Variants in TGM7 observed in about 807,000 individuals in gnomAD.
The protein encoded by TGM7 is transglutaminase 7, also known as protein-glutamine gamma-glutamyltransferase Z.
TGM7 carries 74 observed loss-of-function variants against 79.5 expected under a neutral mutation model. The observed-to-expected ratio is 0.93, with a 90% CI of 0.77 to 1.13. TGM7 has a LOEUF of 1.13. Among genes scored for constraint, TGM7 ranks in the 50% most tolerant of loss-of-function variants. The probability of loss-of-function intolerance (pLI) is 0.00; values close to 1 mark genes in which losing one functional copy is unlikely to be tolerated. For synonymous variants in TGM7, 354 were observed against 362.5 expected, an observed-to-expected ratio of 0.98 and a Z score of 0.27; for missense variants, 912 against 905.9, an observed-to-expected ratio of 1.01 and a Z score of -0.09.
In TGM7 at chr15:43,279,708, C is replaced by T; in HGVS notation, c.1595G>A (p.Cys532Tyr). The T allele has an allele frequency of 6.2e-7, 1 of 1,614,016 alleles. No individual in the cohort carries two copies. Among genetic ancestry groups the T allele is most frequent in the East Asian group, 2.2e-5 (1 of 44,882 alleles). ...ACCCCCATGCAGCAGGGCCTGTGCA[C>T]AGAAGCGCACCACCAGTCCGATGGG... ...RGPIGLVVRF[C>Y]AQALLHGGGT... The change falls in exon 10 of 13, where the codon TGT becomes TAT. Residue 532 changes from cysteine (C) to tyrosine (Y), a missense_variant. Physicochemically the swap from Cys to Tyr is radical, Grantham distance 194. Coordinates refer to ENST00000452443, the MANE Select transcript of TGM7 (RefSeq NM_052955.3).
chr15:43,290,466 A>C (rs1180788306), intron 4 of TGM7, among the ~76,000 whole-genome samples: 1 of 152,170 alleles, frequency 6.6e-6, no homozygotes, highest in Non-Finnish European at 1.5e-5. Flanking sequence ...TGGTTACTGT[A>C]GCCTTGTAGT....
In TGM7 at chr15:43,292,009, G is replaced by T. The variant is rs772488906; in HGVS notation, c.528C>A (p.Phe176Leu). The T allele has an allele frequency of 6.2e-7, 1 of 1,613,984 alleles. No homozygotes were observed. The highest frequency in any genetic ancestry group is 8.5e-7 in the Non-Finnish European group (1 of 1,179,938). ...CGTAGTTCCAGGGCCAGGAGGTGAT[G>T]AATCTTTCATGACCCTTGTAAACAA... ...YGFVYKGHER[F>L]ITSWPWNYGQ... Residue 176 changes from phenylalanine (F) to leucine (L), a missense_variant, in exon 4 of 13, where the codon TTC (phenylalanine) becomes TTA (leucine). Physicochemically the swap from Phe to Leu is conservative, Grantham distance 22. Coordinates refer to ENST00000452443, the MANE Select transcript of TGM7 (RefSeq NM_052955.3).
At position 43,287,594 on chromosome 15, in the gene TGM7, C is replaced by A. The variant is rs1473125381; in HGVS notation, c.634G>T (p.Asp212Tyr). 1 of 1,614,064 alleles carries A rather than the reference C, an allele frequency of 6.2e-7. No homozygotes were observed. The highest frequency in any genetic ancestry group is 1.1e-5 in the South Asian group (1 of 91,088). Residue 212 changes from aspartate to tyrosine, a missense_variant, in exon 5 of 13, where the codon GAC (aspartate) becomes TAC (tyrosine). Asp to Tyr is a radical substitution (Grantham distance 160). Transcript: ENST00000452443. ...SLYHLKNPAK[D>Y]CSQRNDVVYV... ...ACCACGTCGTTCCGCTGGGAACAGT[C>A]TTTGGCCGGGTTCTTTAAGTGATAC...
At chr15:43,284,731 C>T in intron 7 of TGM7, 83 bp downstream of exon 7, 3 of 1,516,340 alleles carry the variant, frequency 2.0e-6, no homozygotes, top group Admixed American at 3.4e-5. Context: ...TGCAATATTT[C>T]CTCAAGAGCC....
At chr15:43,298,779 A>G (rs2043012658) in intron 1 of TGM7, among the ~76,000 whole-genome samples, 1 of 152,156 alleles carries the variant, frequency 6.6e-6, no homozygotes, top group Non-Finnish European at 1.5e-5. Context: ...TAAAATAAAA[A>G]TAAAAGAAAG....
At chr15:43,284,512 G>A (rs1416263663) in intron 7 of TGM7, among the ~76,000 whole-genome samples, 2 of 152,182 alleles carry the variant, frequency 1.3e-5, no homozygotes, top group African/African-American at 4.8e-5. Context: ...CAGAAACTCA[G>A]AGAAGAAAGA....
chr15:43,279,342 T>C, intron 10 of TGM7, 65 bp from the exon 11 acceptor site: 2 of 1,532,720 alleles, frequency 1.3e-6, no homozygotes, highest in Non-Finnish European at 1.8e-6. Context: ...GACATGTAGA[T>C]GTGAGAGAGG....
At chr15:43,296,338 T>C (rs952541780) in intron 1 of TGM7, among the ~76,000 whole-genome samples, 11 of 144,422 alleles carry the variant, frequency 7.6e-5, no homozygotes, top group African/African-American at 2.9e-4. Context: ...GGCAGGAGAA[T>C]GGCGTGAACC....
chr15:43,282,050 A>G lies in TGM7; in HGVS notation c.1145T>C (p.Ile382Thr). 1 of 1,614,138 alleles carries G rather than the reference A, an allele frequency of 6.2e-7. No individual in the cohort carries two copies. ...GGCCAGGTGGACATCCCCTTCCCTG[A>G]TGGCCTTCACAGAGGCAGGGCCACA... ...FCCGPASVKA[I>T]REGDVHLAYD... The change falls in exon 9 of 13, where the codon ATC becomes ACC. Residue 382 changes from isoleucine to threonine, a missense_variant. Ile to Thr is a moderately conservative substitution (Grantham distance 89). Transcript: ENST00000452443.
chr15:43,279,812 G>C lies in TGM7; in HGVS notation c.1491C>G (p.Ala497=). ...GGTCCTGGCCCCACTCGGGTATCCTGGCCAGGTGAAGCTGCAGCTGCGCTG... is the reference window on the plus strand; with the variant it reads ...GGTCCTGGCCCCACTCGGGTATCCTCGCCAGGTGAAGCTGCAGCTGCGCTG... ...DQPAQLQLHL[A]RIPEWGQDLQ... is the part of the protein sequence containing the mutation. The change falls in exon 10 of 13, where the codon GCC becomes GCG. Residue 497 remains alanine (A), a synonymous_variant. Coordinates refer to ENST00000452443, the MANE Select transcript of TGM7 (RefSeq NM_052955.3). The C allele has an allele frequency of 6.2e-7, 1 of 1,614,228 alleles. No homozygotes were observed. Among genetic ancestry groups the C allele is most frequent in the Non-Finnish European group, 8.5e-7 (1 of 1,180,052 alleles).
At chr15:43,277,610 A>C (rs1486282361) in intron 11 of TGM7, among the ~76,000 whole-genome samples, 1 of 152,204 alleles carries the variant, frequency 6.6e-6, no homozygotes, top group Non-Finnish European at 1.5e-5. Context: ...AGGTGTGCTC[A>C]GTGCTGTGTC....
At chr15:43,296,762 C>T (rs952484882) in intron 1 of TGM7, among the ~76,000 whole-genome samples, 1 of 152,152 alleles carries the variant, frequency 6.6e-6, no homozygotes, top group Non-Finnish European at 1.5e-5. Context: ...AGGAAGATGT[C>T]TTCCTCTCCA....
intron 3 of TGM7, 41 bp from the exon 4 acceptor site, chr15:43,292,138 C>CA (rs768493431): frequency 5.9e-6 from 8 of 1,358,808 alleles, no homozygotes; most frequent in East Asian, 2.3e-5. Context: ...AACCCCAAAC[C>CA]AAAAAAACAG....
chr15:43,282,149 GGA>G, intron 8 of TGM7, 63 bp from the exon 9 acceptor site: 1 of 1,594,058 alleles, frequency 6.3e-7, no homozygotes, highest in Non-Finnish European at 8.6e-7. Flanking sequence ...TGTGGGAGGT[GGA>G]GATGGGATAG....
chr15:43,286,225 G>A (rs1218026903), intron 6 of TGM7, among the ~76,000 whole-genome samples: 1 of 152,166 alleles, frequency 6.6e-6, no homozygotes, highest in African/African-American at 2.4e-5. Flanking sequence ...GCCATAGGAA[G>A]CTTGGCAGGG....
intron 6 of TGM7, among the ~76,000 whole-genome samples, chr15:43,286,856 G>A (rs2042938002): frequency 6.6e-6 from 1 of 152,180 alleles, no homozygotes; most frequent in African/African-American, 2.4e-5. Context: ...ACTGCTCAAG[G>A]ATCTCTCAGT....
intron 9 of TGM7, among the ~76,000 whole-genome samples, chr15:43,281,038 A>G (rs2042905462): frequency 6.6e-6 from 1 of 152,244 alleles, no homozygotes; most frequent in South Asian, 2.1e-4. Flanking sequence ...CCTAATCATA[A>G]GAAACATTTG....
chr15:43,284,729 T>A, intron 7 of TGM7, 85 bp downstream of exon 7: 1 of 1,511,262 alleles, frequency 6.6e-7, no homozygotes, highest in Non-Finnish European at 9.1e-7. Context: ...CTTGCAATAT[T>A]TCCTCAAGAG....
chr15:43,280,994 A>C (rs1225455163), intron 9 of TGM7, among the ~76,000 whole-genome samples: 2 of 152,220 alleles, frequency 1.3e-5, no homozygotes, highest in East Asian at 3.8e-4. Flanking sequence ...AATTGAGCAC[A>C]GGTTCAGATT....
Sources: gnomAD v4.1 joint callset for allele counts (sites outside exome capture counted in the v4.1 genomes callset) on GRCh38, gnomAD v4.1.1 for gene constraint, MANE v1.5 for transcripts, NCBI Gene and HGNC (gene_info 2026-07-23, HGNC 2026-07-21) for gene names.